TAF15: variants seen among roughly 807,000 people sequenced by gnomAD.
TAF15 encodes TATA-binding protein-associated factor 2N.
In TAF15, 37 loss-of-function variants were observed where a neutral mutation model predicts 102.5. The ratio of observed to expected loss-of-function variants is 0.36; its 90% CI spans 0.28 to 0.47. TAF15 has a LOEUF of 0.47. Among genes scored for constraint, TAF15 ranks in the 20% least tolerant of loss-of-function variants. The pLI, the probability that TAF15 is intolerant of heterozygous loss-of-function variation, is 0.99. For synonymous variants in TAF15, 273 were observed against 259.2 expected (o/e 1.05, Z -0.51); for missense variants, 652 against 760.7 (o/e 0.86, Z 1.68).
Position 35,844,995 on chromosome 17 carries a change from T to A in TAF15, c.1696T>A (p.Tyr566Asn). The A allele has an allele frequency of 6.2e-7, 1 of 1,612,246 alleles. No individual in the cohort carries two copies. Among genetic ancestry groups the A allele is most frequent in the Non-Finnish European group, 8.5e-7 (1 of 1,178,716 alleles). Residue 566 changes from tyrosine to asparagine, a missense_variant, in exon 15 of 16, where the codon TAC becomes AAC. Tyr to Asn is a moderately radical substitution (Grantham distance 143, BLOSUM62 -2). Coordinates refer to ENST00000605844, the MANE Select transcript of TAF15 (RefSeq NM_139215.3). ...CTATGGAGGAGACCGAGGTGGGGGC[T>A]ACGGAGGAGACCGAGGTGGCTATGG... Reference protein sequence around the residue: ...GGYGGDRGGGYGGDRGGYGGK... With the variant: ...GGYGGDRGGGNGGDRGGYGGK...
In TAF15 at chr17:35,809,783, C is replaced by A. The variant is rs2087103201; in HGVS notation, c.7+207C>A. On this transcript the variant is annotated intron_variant, in intron 1 of 15. Transcript: ENST00000605844. ...CCGGCTGCAAATCACGGCGGGAGCG[C>A]CTCGGGCCTCTTGTCTTTTGACCCT... is the stretch of plus-strand genomic sequence containing the variant. 15 of 663,368 alleles carry A rather than the reference C, an allele frequency of 2.3e-5. No homozygotes were observed. In the South Asian group the frequency reaches 2.4e-4, roughly 11 times the overall value. 41.1% of individuals were successfully genotyped at this position (663,368 alleles called of 1,614,324 possible).
Position 35,820,021 on chromosome 17 carries a change from C to T in TAF15, c.48-3C>T. The T allele has an allele frequency of 6.2e-7, 1 of 1,613,588 alleles. No individual in the cohort carries two copies. Among genetic ancestry groups the T allele is most frequent in the Non-Finnish European group, 8.5e-7 (1 of 1,179,700 alleles). On this transcript the variant is annotated splice_region_variant and splice_polypyrimidine_tract_variant and intron_variant, in intron 2 of 15. Transcript: ENST00000605844. ...TTTCAAGTATTAAATTTTTCTTTTG[C>T]AGTTATTCTACCTATGGAAATCCAG...
At chr17:35,817,875 T>G (rs886308424) in intron 2 of TAF15, 120 bp downstream of exon 2, 22 of 881,732 alleles carry the variant, frequency 2.5e-5, no homozygotes, top group Non-Finnish European at 3.8e-5. Flanking sequence ...TGTCACAGAG[T>G]GAAGAGAGTC....
At chr17:35,817,572 G>GT in intron 1 of TAF15, 144 bp from the exon 2 acceptor site, 1 of 713,028 alleles carries the variant, frequency 1.4e-6, no homozygotes, top group Non-Finnish European at 2.4e-6. Context: ...CAAATTTCTT[G>GT]TTTCATAGTA....
intron 15 of TAF15, 138 bp downstream of exon 15, chr17:35,845,176 T>C: frequency 8.9e-7 from 1 of 1,117,456 alleles, no homozygotes; most frequent in Non-Finnish European, 1.3e-6. Flanking sequence ...TGATTTAGTT[T>C]CCTGCTTAGC....
chr17:35,815,968 T>C (rs1281104797), intron 1 of TAF15, among the ~76,000 whole-genome samples: 1 of 152,162 alleles, frequency 6.6e-6, no homozygotes, highest in Non-Finnish European at 1.5e-5. Context: ...TTTAATACTT[T>C]TTTTCTCTTT....
chr17:35,822,424 A>AT (rs892958843), intron 5 of TAF15, among the ~76,000 whole-genome samples: 3 of 151,680 alleles, frequency 2.0e-5, no homozygotes, highest in African/African-American at 4.8e-5. Context: ...TCAAAGATAC[A>AT]TTTTTTTTCA....
chr17:35,846,045 C>T (rs1021400999), intron 15 of TAF15, among the ~76,000 whole-genome samples: 1 of 152,096 alleles, frequency 6.6e-6, no homozygotes, highest in Non-Finnish European at 1.5e-5. Flanking sequence ...CTTGTGCACA[C>T]GAATGGTGTA....
intron 2 of TAF15, 83 bp from the exon 3 acceptor site, chr17:35,819,941 A>C (rs2087239699): frequency 8.2e-7 from 1 of 1,224,318 alleles, no homozygotes; most frequent in Admixed American, 1.9e-5. Flanking sequence ...TTTGAGTTGA[A>C]AGTTGAAAAT....
chr17:35,815,021 T>C (rs1426568158), intron 1 of TAF15, among the ~76,000 whole-genome samples: 1 of 152,134 alleles, frequency 6.6e-6, no homozygotes, highest in African/African-American at 2.4e-5. Context: ...TAGTAAAATA[T>C]GAGTGATACA....
intron 7 of TAF15, among the ~76,000 whole-genome samples, chr17:35,825,785 A>G (rs1189730883): frequency 6.6e-6 from 1 of 152,028 alleles, no homozygotes; most frequent in Non-Finnish European, 1.5e-5. Context: ...CGTCTCTACT[A>G]AAAATACAAA....
chr17:35,809,684 G>A lies in TAF15; in HGVS notation c.7+108G>A, dbSNP rs2087101257. The A allele has an allele frequency of 4.0e-6, 6 of 1,513,320 alleles. No individual in the cohort carries two copies. The Admixed American group carries it at 7.0e-5, about 18-fold the overall frequency. The allele number at this position is 1,513,320 out of a possible 1,614,324, so 93.7% of individuals were successfully genotyped here. A position where few individuals can be genotyped will look rare whatever the true frequency, so the allele number is the denominator to read the frequency against. On this transcript the variant is annotated intron_variant, in intron 1 of 15. Transcript: ENST00000605844. ...CTGAGGAGAAGCCTCCGGCCCTGAG[G>A]GAGGCTTGGGGTGGGGGGGCGGCCG...
chr17:35,816,046 C>T (rs374625371), intron 1 of TAF15, among the ~76,000 whole-genome samples: 5 of 152,062 alleles, frequency 3.3e-5, no homozygotes, highest in African/African-American at 9.7e-5. Context: ...ACTGCAGCCT[C>T]GACCTCCTGG....
Position 35,844,096 on chromosome 17 carries a change from T to A in TAF15, c.1026T>A (p.Gly342=), listed in dbSNP as rs1294130657. 6.2e-7 allele frequency: 1 copy of A among 1,614,062 alleles called. No homozygotes were observed. Among genetic ancestry groups the A allele is most frequent in the East Asian group, 2.2e-5 (1 of 44,886 alleles). Residue 342 remains glycine (G), a synonymous_variant, in exon 13 of 16, where the codon GGT becomes GGA. Transcript: ENST00000605844. ...GGRRGRGGYR[G]RGGFQGRGGD... is the part of the protein sequence containing the mutation. ...CCCTAGGCCGTGGAGGATATAGAGG[T>A]CGTGGAGGCTTTCAAGGGAGAGGTG...
intron 6 of TAF15, among the ~76,000 whole-genome samples, chr17:35,823,403 CTT>C (rs2087286586): frequency 1.3e-5 from 2 of 152,208 alleles, no homozygotes; most frequent in Middle Eastern, 3.4e-3. Context: ...AAAGTGGTAA[CTT>C]TTAAGATTGG....
At chr17:35,814,290 C>CGAGTCT (rs2087166121) in intron 1 of TAF15, among the ~76,000 whole-genome samples, 1 of 151,796 alleles carries the variant, frequency 6.6e-6, no homozygotes, top group African/African-American at 2.4e-5. Context: ...CTCAGCCTCC[C>CGAGTCT]GAGTAACTGG....
chr17:35,828,999 CT>C (rs2087365129), intron 7 of TAF15, among the ~76,000 whole-genome samples: 2 of 152,226 alleles, frequency 1.3e-5, no homozygotes, highest in South Asian at 4.1e-4. Flanking sequence ...TCCAGAAAGC[CT>C]TTTTACCATG....
At chr17:35,846,876 T>C in intron 15 of TAF15, 30 bp from the exon 16 acceptor site, 1 of 1,613,990 alleles carries the variant, frequency 6.2e-7, no homozygotes, top group South Asian at 1.1e-5. Flanking sequence ...AAATTAGAAT[T>C]TAGTCCGGCT....
chr17:35,846,968 G>T lies in TAF15; in HGVS notation c.*23G>T, dbSNP rs76785014. 2.5e-3 allele frequency: 4,095 copies of T among 1,613,516 alleles called. 16 individuals are homozygous for T. Among genetic ancestry groups the T allele is most frequent in the Admixed American group, 4.7e-3 (282 of 59,942 alleles). On this transcript the variant is annotated 3_prime_UTR_variant, in exon 16 of 16. Coordinates refer to ENST00000605844, the MANE Select transcript of TAF15 (RefSeq NM_139215.3). ...TGATGACTGTTTTGAATGTTCCTTT[G>T]TCTCTGACATGATCCATAGTGAAAT...
Sources: gnomAD v4.1 joint callset for allele counts (sites outside exome capture counted in the v4.1 genomes callset) on GRCh38, gnomAD v4.1.1 for gene constraint, MANE v1.5 for transcripts, NCBI Gene and HGNC (gene_info 2026-07-23, HGNC 2026-07-21) for gene names.